TRAPPC9: variants seen among roughly 807,000 people sequenced by gnomAD.
The protein encoded by TRAPPC9 is IKK2 binding protein.
TRAPPC9 carries 83 observed loss-of-function variants against 124.0 expected under a neutral mutation model. The ratio of observed to expected loss-of-function variants is 0.67; its 90% CI spans 0.56 to 0.80. TRAPPC9 has a LOEUF of 0.80. Among genes scored for constraint, TRAPPC9 ranks in the 30% least tolerant of loss-of-function variants. TRAPPC9 has a pLI of 0.00. For missense variants in TRAPPC9, 1,302 were observed against 1,508.3 expected, an observed-to-expected ratio of 0.86 and a Z score of 2.27; for synonymous variants, 638 against 617.5, an observed-to-expected ratio of 1.03 and a Z score of -0.49.
At chr8:139,830,075 A>G (rs1479014797) in intron 21 of TRAPPC9, among the ~76,000 whole-genome samples, 3 of 152,236 alleles carry the variant, frequency 2.0e-5, no homozygotes, top group Non-Finnish European at 4.4e-5. Context: ...AGCTGAAGTT[A>G]GCTGGAAACA....
intron 19 of TRAPPC9, among the ~76,000 whole-genome samples, chr8:139,988,336 C>T (rs1200214073): frequency 6.6e-6 from 1 of 152,008 alleles, no homozygotes; most frequent in Non-Finnish European, 1.5e-5. Context: ...TGGTCTTGAA[C>T]TCCTGATCTC....
At chr8:140,421,614 G>T (rs1287770384) in intron 5 of TRAPPC9, among the ~76,000 whole-genome samples, 3 of 152,096 alleles carry the variant, frequency 2.0e-5, no homozygotes, top group Non-Finnish European at 4.4e-5. Flanking sequence ...CCATACTCTA[G>T]CTAATCCGCT....
chr8:140,072,546 GGAA>G (rs1361980673), intron 17 of TRAPPC9, among the ~76,000 whole-genome samples: 7 of 56,142 alleles, frequency 1.2e-4, no homozygotes, highest in South Asian at 6.4e-4. Flanking sequence ...AGGAGGAGGA[GGAA>G]GAGGAGGAGG....
intron 17 of TRAPPC9, among the ~76,000 whole-genome samples, chr8:140,064,200 T>G (rs967375901): frequency 6.6e-5 from 10 of 152,302 alleles, no homozygotes; most frequent in African/African-American, 9.6e-5. Flanking sequence ...CACATGACCC[T>G]TTCCTGGAAA....
chr8:140,202,055 C>G (rs1044011365), intron 17 of TRAPPC9, among the ~76,000 whole-genome samples: 2 of 152,032 alleles, frequency 1.3e-5, no homozygotes, highest in East Asian at 1.9e-4. Flanking sequence ...CATTTATTAG[C>G]CACATTAGTT....
At chr8:140,338,777 C>T (rs906275099) in intron 9 of TRAPPC9, among the ~76,000 whole-genome samples, 4 of 124,188 alleles carry the variant, frequency 3.2e-5, no homozygotes, top group African/African-American at 1.0e-4. Context: ...CGACAGGAAA[C>T]GGCTCAGAGA....
chr8:140,080,046 T>C (rs1176951968), intron 17 of TRAPPC9, among the ~76,000 whole-genome samples: 2 of 152,266 alleles, frequency 1.3e-5, no homozygotes, highest in East Asian at 3.9e-4. Context: ...AGCTCAAAGT[T>C]TGCTTTAAGA....
intron 16 of TRAPPC9, among the ~76,000 whole-genome samples, chr8:140,239,237 G>T (rs1326428320): frequency 6.6e-6 from 1 of 152,134 alleles, no homozygotes; most frequent in Non-Finnish European, 1.5e-5. Flanking sequence ...GGAGCCCACA[G>T]GCAGGCGGGC....
chr8:139,997,890 TGCATCCC>T (rs1231794222), intron 18 of TRAPPC9, among the ~76,000 whole-genome samples: 66,539 of 123,010 alleles, frequency 0.54, 25,785 homozygotes, highest in Middle Eastern at 0.74. Flanking sequence ...GGGGAGACAA[TGCATCCC>T]ACACAGGGGA....
chr8:140,024,012 T>C lies in TRAPPC9; in HGVS notation c.2624A>G (p.Asn875Ser). ...GPGHTEGYYR[N>S]LSLGLHVEVE... is the part of the protein sequence containing the mutation. ...TTCTACATGCAGCCCCAGGGAGAGA[T>C]TCCTGTAATATCCTTCAGTGTGGCC... Residue 875 changes from asparagine (N) to serine (S), a missense_variant, in exon 18 of 23, where the codon AAT becomes AGT. This residue lies in a region of TRAPPC9 where 640 missense variants were observed against 679.3 expected (regional missense o/e 0.94). Coordinates refer to ENST00000438773, the MANE Select transcript of TRAPPC9 (RefSeq NM_001160372.4). 6.2e-7 allele frequency: 1 copy of C among 1,614,012 alleles called. No individual in the cohort carries two copies. The highest frequency in any genetic ancestry group is 8.5e-7 in the Non-Finnish European group (1 of 1,180,004).
At chr8:139,738,842 C>T (rs913796360) in intron 21 of TRAPPC9, among the ~76,000 whole-genome samples, 5 of 152,094 alleles carry the variant, frequency 3.3e-5, no homozygotes, top group Admixed American at 2.0e-4. Flanking sequence ...CTGGGGCAGA[C>T]GGCACTGGGT....
At chr8:139,798,854 T>C (rs1209625177) in intron 21 of TRAPPC9, among the ~76,000 whole-genome samples, 1 of 152,246 alleles carries the variant, frequency 6.6e-6, no homozygotes, top group Non-Finnish European at 1.5e-5. Context: ...GCCAGAAGTC[T>C]GAAATCAGAA....
At chr8:140,215,449 C>T (rs2063168505) in intron 17 of TRAPPC9, among the ~76,000 whole-genome samples, 1 of 151,856 alleles carries the variant, frequency 6.6e-6, no homozygotes, top group African/African-American at 2.4e-5. Flanking sequence ...TCGGGACCAG[C>T]CCAGGCAACA....
At chr8:140,012,812 A>G (rs1393468387) in intron 18 of TRAPPC9, among the ~76,000 whole-genome samples, 1 of 152,210 alleles carries the variant, frequency 6.6e-6, no homozygotes, top group African/African-American at 2.4e-5. Context: ...CAGGCGCTGA[A>G]GTCTCCCATG....
chr8:140,240,051 T>C (rs2131424218), intron 16 of TRAPPC9, among the ~76,000 whole-genome samples: 1 of 152,306 alleles, frequency 6.6e-6, no homozygotes, highest in South Asian at 2.1e-4. Context: ...ATAAAATTAA[T>C]TCCTGACCAC....
intron 5 of TRAPPC9, among the ~76,000 whole-genome samples, chr8:140,419,507 G>C (rs1363840474): frequency 6.6e-6 from 1 of 150,478 alleles, no homozygotes; most frequent in Non-Finnish European, 1.5e-5. Flanking sequence ...CTGATAAAGG[G>C]CATCTGTGAA....
intron 19 of TRAPPC9, among the ~76,000 whole-genome samples, chr8:139,942,985 G>A (rs988108512): frequency 1.3e-5 from 2 of 152,244 alleles, no homozygotes; most frequent in Non-Finnish European, 2.9e-5. Context: ...TGAACCTGGT[G>A]TGCATGGAGC....
At chr8:139,919,380 T>G (rs905443307) in intron 19 of TRAPPC9, among the ~76,000 whole-genome samples, 1 of 152,238 alleles carries the variant, frequency 6.6e-6, no homozygotes, top group Non-Finnish European at 1.5e-5. Context: ...GCTATTATAA[T>G]GCTTTTGGGA....
intron 16 of TRAPPC9, among the ~76,000 whole-genome samples, chr8:140,240,843 C>A (rs1017436287): frequency 6.6e-6 from 1 of 152,188 alleles, no homozygotes; most frequent in African/African-American, 2.4e-5. Context: ...CCCAGCCCCA[C>A]TCACCTTCTT....
Sources: gnomAD v4.1 joint callset for allele counts (sites outside exome capture counted in the v4.1 genomes callset) on GRCh38, gnomAD v4.1.1 for gene constraint, gnomAD v4.1.1 regional missense constraint, MANE v1.5 for transcripts, NCBI Gene and HGNC (gene_info 2026-07-23, HGNC 2026-07-21) for gene names.